MIPOL1: variants seen among roughly 807,000 people sequenced by gnomAD.
MIPOL1 encodes mirror-image polydactyly gene 1 protein.
MIPOL1 carries 57 observed loss-of-function variants against 60.9 expected under a neutral mutation model. That is an observed-to-expected ratio of 0.94 (90% CI 0.76 to 1.17). The LOEUF (loss-of-function observed/expected upper bound fraction) is 1.17. Ranked by LOEUF, MIPOL1 falls within the 50% of genes most tolerant of loss-of-function variation. MIPOL1 has a pLI of 0.00. For missense variants in MIPOL1, 551 were observed against 511.6 expected, an observed-to-expected ratio of 1.08 and a Z score of -0.74; for synonymous variants, 179 against 168.8, an observed-to-expected ratio of 1.06 and a Z score of -0.47.
intron 1 of MIPOL1, among the ~76,000 whole-genome samples, chr14:37,218,487 C>T (rs1487289662): frequency 6.6e-6 from 1 of 152,010 alleles, no homozygotes; most frequent in South Asian, 2.1e-4. Flanking sequence ...TGCGCCTGGC[C>T]GATTTTATCT....
At position 37,422,874 on chromosome 14, in the gene MIPOL1, A is replaced by C; in HGVS notation, c.956A>C (p.Gln319Pro). Residue 319 changes from glutamine (Q) to proline (P), a missense_variant, in exon 11 of 13, where the codon CAA becomes CCA. Gln to Pro is a moderately conservative substitution (Grantham distance 76). Coordinates refer to ENST00000684589, the MANE Select transcript of MIPOL1 (RefSeq NM_001388067.1). ...TTTTAGGCAAAGTTGTTATCTATGC[A>C]ACAAGCCAGAGAAACTGCAGTTCAA... ...RALKAKLLSMQQARETAVQQY... is the reference protein window; with the variant it reads ...RALKAKLLSMPQARETAVQQY... The C allele has an allele frequency of 1.2e-6, 2 of 1,607,390 alleles. No homozygotes were observed. The highest frequency in any genetic ancestry group is 1.7e-6 in the Non-Finnish European group (2 of 1,175,998).
intron 11 of MIPOL1, among the ~76,000 whole-genome samples, chr14:37,430,699 T>C (rs2153558625): frequency 6.6e-6 from 1 of 152,218 alleles, no homozygotes; most frequent in African/African-American, 2.4e-5. Flanking sequence ...ATGATACATC[T>C]GAATGTTTTT....
At chr14:37,234,252 T>C (rs1971072584) in intron 1 of MIPOL1, among the ~76,000 whole-genome samples, 1 of 152,164 alleles carries the variant, frequency 6.6e-6, no homozygotes, top group Non-Finnish European at 1.5e-5. Context: ...AGTTAGGGCA[T>C]GGTCACGACA....
intron 12 of MIPOL1, among the ~76,000 whole-genome samples, chr14:37,530,587 A>G (rs1252078487): frequency 1.3e-5 from 2 of 152,202 alleles, no homozygotes; most frequent in African/African-American, 4.8e-5. Flanking sequence ...ATTCTGAATG[A>G]TAAAGATTAT....
intron 11 of MIPOL1, among the ~76,000 whole-genome samples, chr14:37,464,307 A>G (rs774820670): frequency 4.6e-5 from 7 of 152,180 alleles, no homozygotes; most frequent in Admixed American, 1.3e-4. Context: ...TCTCAACACT[A>G]GTAGAGCCGT....
chr14:37,270,727 C>T (rs561006814), intron 6 of MIPOL1, among the ~76,000 whole-genome samples: 2 of 132,568 alleles, frequency 1.5e-5, no homozygotes, highest in African/African-American at 2.9e-5. Flanking sequence ...TACCTGTATT[C>T]ATACTGATTT....
At chr14:37,298,355 A>G in intron 7 of MIPOL1, among the ~76,000 whole-genome samples, 1 of 152,208 alleles carries the variant, frequency 6.6e-6, no homozygotes. Flanking sequence ...ACCCTACAAG[A>G]AAACCTAGGC....
chr14:37,526,190 T>G (rs1329259093), intron 12 of MIPOL1, among the ~76,000 whole-genome samples: 4 of 150,728 alleles, frequency 2.7e-5, no homozygotes, highest in Non-Finnish European at 5.9e-5. Flanking sequence ...TGTAGTTGTA[T>G]ATATGCTTTT....
intron 9 of MIPOL1, 150 bp from the exon 10 acceptor site, chr14:37,369,367 T>A: frequency 2.3e-6 from 1 of 442,238 alleles, no homozygotes; most frequent in Non-Finnish European, 4.0e-6. Flanking sequence ...ATTTATTGTA[T>A]TTAACATTAC....
At chr14:37,269,039 C>T (rs2083089601) in intron 5 of MIPOL1, among the ~76,000 whole-genome samples, 1 of 151,892 alleles carries the variant, frequency 6.6e-6, no homozygotes, top group Admixed American at 6.6e-5. Context: ...CCCCTGGTTC[C>T]TTGTATACAT....
At chr14:37,453,589 T>A (rs1484450772) in intron 11 of MIPOL1, among the ~76,000 whole-genome samples, 2 of 152,182 alleles carry the variant, frequency 1.3e-5, no homozygotes, top group African/African-American at 2.4e-5. Flanking sequence ...TTAAATGGAA[T>A]GGTAACTACC....
At chr14:37,511,415 G>A (rs993559425) in intron 12 of MIPOL1, among the ~76,000 whole-genome samples, 4 of 152,112 alleles carry the variant, frequency 2.6e-5, no homozygotes, top group African/African-American at 9.7e-5. Context: ...TGGTTATGTC[G>A]AGGTAAAGGG....
intron 12 of MIPOL1, among the ~76,000 whole-genome samples, chr14:37,540,600 C>G (rs1361786211): frequency 6.6e-6 from 1 of 151,850 alleles, no homozygotes; most frequent in African/African-American, 2.4e-5. Context: ...TCTGTGCTTC[C>G]TCCCCTCCCC....
intron 10 of MIPOL1, among the ~76,000 whole-genome samples, chr14:37,379,118 A>G (rs1401776030): frequency 6.6e-6 from 1 of 152,122 alleles, no homozygotes; most frequent in Non-Finnish European, 1.5e-5. Flanking sequence ...ACAGACATAC[A>G]GATAAGTGGA....
chr14:37,313,524 A>G (rs2087571232), intron 9 of MIPOL1, among the ~76,000 whole-genome samples: 3 of 152,096 alleles, frequency 2.0e-5, no homozygotes, highest in Admixed American at 2.0e-4. Flanking sequence ...AACCCCTGAG[A>G]CCTGAATAAG....
intron 10 of MIPOL1, among the ~76,000 whole-genome samples, chr14:37,402,357 A>G (rs934849255): frequency 6.6e-6 from 1 of 152,180 alleles, no homozygotes; most frequent in African/African-American, 2.4e-5. Context: ...TGCATATAAA[A>G]TTAGATCAGT....
At chr14:37,351,918 A>G (rs2091424966) in intron 9 of MIPOL1, among the ~76,000 whole-genome samples, 1 of 151,324 alleles carries the variant, frequency 6.6e-6, no homozygotes, top group Non-Finnish European at 1.5e-5. Flanking sequence ...ATTAGATCCC[A>G]TTTGTCAATT....
intron 11 of MIPOL1, among the ~76,000 whole-genome samples, chr14:37,423,331 A>T (rs896038613): frequency 6.7e-6 from 1 of 149,998 alleles, no homozygotes; most frequent in Non-Finnish European, 1.5e-5. Flanking sequence ...ATTTAAATAT[A>T]TATATTTTAA....
At chr14:37,523,416 A>G in intron 12 of MIPOL1, 1 of 361,000 alleles carries the variant, frequency 2.8e-6, no homozygotes, top group Non-Finnish European at 5.0e-6. Flanking sequence ...CCAGGAAGTA[A>G]ATAGATGAGT....
Sources: gnomAD v4.1 joint callset for allele counts (sites outside exome capture counted in the v4.1 genomes callset) on GRCh38, gnomAD v4.1.1 for gene constraint, MANE v1.5 for transcripts, NCBI Gene and HGNC (gene_info 2026-07-23, HGNC 2026-07-21) for gene names.